FAM53A: variants seen among roughly 807,000 people sequenced by gnomAD.
The protein encoded by FAM53A is family with sequence similarity 53 member A, also known as protein FAM53A.
A neutral mutation model predicts 26.6 loss-of-function variants in FAM53A; 28 were observed. That is an observed-to-expected ratio of 1.05 (90% confidence interval 0.78 to 1.45). The LOEUF is 1.45. FAM53A is among the 40% of genes most tolerant of loss of function. The pLI, the probability that FAM53A is intolerant of heterozygous loss-of-function variation, is 0.00. For synonymous variants in FAM53A, 290 were observed against 253.1 expected (o/e 1.15, Z -1.38); for missense variants, 650 against 575.8 (o/e 1.13, Z -1.32).
the FAM53A span, among the ~76,000 whole-genome samples, chr4:1,580,617 T>C: frequency 3.0e-5 from 2 of 66,472 alleles, no homozygotes; most frequent in African/African-American, 1.1e-4. Flanking sequence ...AGGCCCTGCC[T>C]CCTGCCCAGG....
chr4:1,599,018 T>C, the FAM53A span, among the ~76,000 whole-genome samples: 1 of 152,266 alleles, frequency 6.6e-6, no homozygotes, highest in Non-Finnish European at 1.5e-5. The surrounding 1 kb of genome is among the most constrained non-coding windows in gnomAD (Gnocchi z 6.1). Flanking sequence ...AGCACCGCGT[T>C]CCTTCCCCGG....
At chr4:1,603,129 T>C in the FAM53A span, among the ~76,000 whole-genome samples, 1 of 151,910 alleles carries the variant, frequency 6.6e-6, no homozygotes, top group Non-Finnish European at 1.5e-5. Context: ...CCCAGCTGTG[T>C]GTATGAGTGG....
chr4:1,609,763 G>T, the FAM53A span, among the ~76,000 whole-genome samples: 1 of 151,988 alleles, frequency 6.6e-6, no homozygotes, highest in Non-Finnish European at 1.5e-5. Flanking sequence ...AGGAGTTCAA[G>T]ACCAGCCTGG....
chr4:1,594,081 G>A, the FAM53A span, among the ~76,000 whole-genome samples: 1 of 151,670 alleles, frequency 6.6e-6, no homozygotes, highest in Non-Finnish European at 1.5e-5. Context: ...GGGGCGCCGC[G>A]GGCCCCAGGT....
intron 1 of FAM53A, among the ~76,000 whole-genome samples, chr4:1,677,569 C>T (rs1317707474): frequency 2.0e-5 from 3 of 152,188 alleles, no homozygotes; most frequent in Admixed American, 1.3e-4. Context: ...TATCTCAGCT[C>T]CCTTAGTCTT....
the FAM53A span, among the ~76,000 whole-genome samples, chr4:1,607,753 C>A: frequency 6.6e-6 from 1 of 152,112 alleles, no homozygotes; most frequent in East Asian, 1.9e-4. Flanking sequence ...CCAGCCTGAT[C>A]AACATGGAGA....
the FAM53A span, among the ~76,000 whole-genome samples, chr4:1,603,098 C>T: frequency 6.6e-6 from 1 of 152,210 alleles, no homozygotes; most frequent in African/African-American, 2.4e-5. Context: ...CCCAGTGCGG[C>T]GGCTCCTGCT....
intron 1 of FAM53A, among the ~76,000 whole-genome samples, chr4:1,627,026 C>T (rs887742440): frequency 5.3e-5 from 8 of 152,168 alleles, no homozygotes; most frequent in African/African-American, 1.9e-4. Context: ...CAACCATGGG[C>T]CCAGTGAGGC....
chr4:1,587,434 G>C, the FAM53A span, among the ~76,000 whole-genome samples: 1 of 152,140 alleles, frequency 6.6e-6, no homozygotes, highest in African/African-American at 2.4e-5. Flanking sequence ...CACTTTGAAA[G>C]GCCGAGGCAG....
intron 4 of FAM53A, among the ~76,000 whole-genome samples, chr4:1,652,268 G>T (rs1485328103): frequency 1.0e-5 from 1 of 98,888 alleles, no homozygotes; most frequent in Non-Finnish European, 2.0e-5. Context: ...GCCAGACACC[G>T]CATACACCAG....
chr4:1,656,400 G>A (rs940412133), intron 3 of FAM53A, among the ~76,000 whole-genome samples: 5 of 152,148 alleles, frequency 3.3e-5, no homozygotes, highest in African/African-American at 1.2e-4. Flanking sequence ...CCAGTGGCTT[G>A]TGCAGTCACT....
chr4:1,638,732 C>G (rs1304102901), downstream of FAM53A, among the ~76,000 whole-genome samples: 4 of 151,698 alleles, frequency 2.6e-5, no homozygotes, highest in African/African-American at 9.7e-5. Context: ...CACATCCCCT[C>G]GCTCCCACAC....
At chr4:1,634,339 C>T (rs986706806) in intron 1 of FAM53A, among the ~76,000 whole-genome samples, 2 of 152,098 alleles carry the variant, frequency 1.3e-5, no homozygotes, top group African/African-American at 4.8e-5. Flanking sequence ...CCCCACAACC[C>T]CTCCACACCC....
downstream of FAM53A, among the ~76,000 whole-genome samples, chr4:1,616,659 T>C (rs986557612): frequency 5.9e-5 from 9 of 152,236 alleles, no homozygotes; most frequent in African/African-American, 2.2e-4. Flanking sequence ...GTTGAGGGAA[T>C]GCAGGGTGAA....
chr4:1,656,451 C>T (rs965350595), intron 3 of FAM53A, among the ~76,000 whole-genome samples: 2 of 152,140 alleles, frequency 1.3e-5, no homozygotes, highest in African/African-American at 2.4e-5. Flanking sequence ...TGAGACCTGC[C>T]TCTGGGGAAA....
chr4:1,622,246 A>G (rs1577081887), intron 1 of FAM53A, among the ~76,000 whole-genome samples: 1 of 151,412 alleles, frequency 6.6e-6, no homozygotes, highest in East Asian at 1.9e-4. Flanking sequence ...CTCGGCTCAT[A>G]CTCTCCAGCC....
At chr4:1,582,285 G>A in the FAM53A span, among the ~76,000 whole-genome samples, 3 of 152,208 alleles carry the variant, frequency 2.0e-5, no homozygotes, top group South Asian at 2.1e-4. Flanking sequence ...GCCAGGCCAC[G>A]GCCATCAGGG....
chr4:1,626,295 G>A (rs972799670), intron 1 of FAM53A, among the ~76,000 whole-genome samples: 9 of 152,328 alleles, frequency 5.9e-5, no homozygotes, highest in South Asian at 4.1e-4. Context: ...GACGGTGGCC[G>A]TCACGAGCCG....
rs747368579 is a variant in FAM53A at position 1,641,553 on chromosome 4, C to A, written c.937G>T (p.Asp313Tyr). 1.2e-6 allele frequency: 2 copies of A among 1,614,074 alleles called. No homozygotes were observed. The highest frequency in any genetic ancestry group is 1.7e-6 in the Non-Finnish European group (2 of 1,180,024). The change falls in exon 5 of 5, where the codon GAT becomes TAT. Residue 313 changes from aspartate to tyrosine, a missense_variant. By Grantham distance (160) the Asp-to-Tyr change is radical. Transcript: ENST00000308132. ...AGAACCGTCTTCACTGGGGTGTCAT[C>A]CTCATCGTCATCTTCGTAATTGAGG... is the stretch of plus-strand genomic sequence containing the variant. The part of the protein sequence containing the change: ...CSLNYEDDDE[D>Y]DTPVKTVLSS...
Sources: allele counts gnomAD v4.1 joint callset (sites outside exome capture counted in the v4.1 genomes callset), GRCh38; gene constraint gnomAD v4.1.1; non-coding constraint Gnocchi (gnomAD v3.1); transcripts MANE v1.5; gene names NCBI Gene and HGNC (gene_info 2026-07-23, HGNC 2026-07-21).